The following SPOP variants were observed in gnomAD, a reference collection of about 807,000 sequenced individuals.
The protein encoded by SPOP is speckle-type POZ protein.
A neutral mutation model predicts 45.6 loss-of-function variants in SPOP; 11 were observed. The ratio of observed to expected loss-of-function variants is 0.24; its 90% CI spans 0.15 to 0.40. The LOEUF (loss-of-function observed/expected upper bound fraction) is 0.40. Ranked by LOEUF, SPOP falls within the 10% of genes least tolerant of loss-of-function variation. The pLI is 1.00. For synonymous variants in SPOP, 166 were observed against 166.3 expected, an observed-to-expected ratio of 1.00 and a Z score of 0.01; for missense variants, 152 against 465.6, an observed-to-expected ratio of 0.33 and a Z score of 6.20.
Position 49,665,396 on chromosome 17 carries a change from T to C in SPOP, c.-67+12537A>G, listed in dbSNP as rs566704640. 1.2e-4 allele frequency among the ~76,000 whole-genome samples: 18 copies of C among 150,084 alleles called. No individual in the cohort carries two copies. In the South Asian group the frequency reaches 1.5e-3, roughly 12 times the overall value. The stretch of plus-strand genomic sequence containing the variant: ...TTGGGAGGCCAAGGCGGGCGGATCA[T>C]GAGGTCAGGAGATCAAGATCATCCT... On this transcript the variant is annotated intron_variant, in intron 1 of 9. Coordinates refer to ENST00000504102, the MANE Select transcript of SPOP (RefSeq NM_001007228.2).
intron 1 of SPOP, among the ~76,000 whole-genome samples, chr17:49,677,310 T>C (rs1053917840): frequency 9.9e-5 from 15 of 152,250 alleles, no homozygotes; most frequent in African/African-American, 3.6e-4. Flanking sequence ...GAAGATACAG[T>C]GACAGTTTCA....
Position 49,601,905 on chromosome 17 carries a change from C to CA in SPOP, c.939dup (p.Ala314CysfsTer38). On this transcript the variant is annotated frameshift_variant, in exon 9 of 10. Transcript: ENST00000504102. LOFTEE classifies it high-confidence loss of function. The stretch of plus-strand genomic sequence containing the variant: ...ACTGCCTGAGTTTTCAACTGATCTG[C>CA]ACTGTGGAGGTCGGCCAGGATGAGA... 1 of 1,614,156 alleles carries CA rather than the reference C, an allele frequency of 6.2e-7. No individual in the cohort carries two copies. The highest frequency in any genetic ancestry group is 8.5e-7 in the Non-Finnish European group (1 of 1,179,998).
At position 49,619,521 on chromosome 17, in the gene SPOP, G is replaced by T; in HGVS notation, c.201-136C>A. 1.0e-6 allele frequency: 1 copy of T among 1,002,044 alleles called. No individual in the cohort carries two copies. The highest frequency in any genetic ancestry group is 1.4e-6 in the Non-Finnish European group (1 of 703,430). 62.1% of individuals were successfully genotyped at this position (1,002,044 alleles called of 1,614,324 possible). A position where few individuals can be genotyped will look rare whatever the true frequency, so the allele number is the denominator to read the frequency against. ...AGAATATAATTCAGTAGAATGACTAGTTGGGAACAACTTTTTTCTCTTTTT... is the reference window on the plus strand; with the variant it reads ...AGAATATAATTCAGTAGAATGACTATTTGGGAACAACTTTTTTCTCTTTTT... On this transcript the variant is annotated intron_variant, in intron 3 of 9. Transcript: ENST00000504102. The surrounding 1 kb of genome is among the most constrained non-coding windows in gnomAD (Gnocchi z 4.9).
At chr17:49,628,661 A>G (rs2143350355) in intron 1 of SPOP, among the ~76,000 whole-genome samples, 1 of 152,350 alleles carries the variant, frequency 6.6e-6, no homozygotes, top group East Asian at 1.9e-4. Context: ...TTGAAACAGT[A>G]AGTACGTAAC....
At chr17:49,601,820 C>T (rs1245211193) in intron 9 of SPOP, 45 bp downstream of exon 9, 1 of 1,606,604 alleles carries the variant, frequency 6.2e-7, no homozygotes. Flanking sequence ...ATTTCTTCAG[C>T]TATCCAACTA....
chr17:49,654,181 A>G (rs1486933277), intron 1 of SPOP, among the ~76,000 whole-genome samples: 2 of 152,252 alleles, frequency 1.3e-5, no homozygotes, highest in Non-Finnish European at 2.9e-5. Context: ...CCCCAATTAA[A>G]TAGGACAGTG....
At chr17:49,613,095 T>C (rs1046881987) in intron 5 of SPOP, among the ~76,000 whole-genome samples, 4 of 152,168 alleles carry the variant, frequency 2.6e-5, no homozygotes, top group African/African-American at 9.7e-5. Flanking sequence ...GATTATAACA[T>C]TATTTTAATA....
intron 1 of SPOP, among the ~76,000 whole-genome samples, chr17:49,631,351 C>T (rs972339369): frequency 1.3e-5 from 2 of 152,084 alleles, no homozygotes; most frequent in African/African-American, 2.4e-5. Flanking sequence ...TAGAATATCT[C>T]CCAAAAGACA....
intron 8 of SPOP, among the ~76,000 whole-genome samples, chr17:49,603,879 C>T (rs1049822491): frequency 6.6e-6 from 1 of 152,168 alleles, no homozygotes; most frequent in Admixed American, 6.5e-5. Context: ...GAAATGCTAT[C>T]CTTGAAATGG....
chr17:49,669,713 C>T (rs995527573), intron 1 of SPOP, among the ~76,000 whole-genome samples: 2 of 135,134 alleles, frequency 1.5e-5, no homozygotes, highest in South Asian at 4.6e-4. Flanking sequence ...TGCAGTGAGC[C>T]GAGATCGCAC....
chr17:49,647,684 T>C (rs150880367), intron 1 of SPOP, among the ~76,000 whole-genome samples: 10 of 152,286 alleles, frequency 6.6e-5, no homozygotes, highest in African/African-American at 1.4e-4. Flanking sequence ...TTTCACAGTG[T>C]TGGCCAGGCT....
chr17:49,622,613 C>T, intron 2 of SPOP, 120 bp downstream of exon 2: 1 of 834,498 alleles, frequency 1.2e-6, no homozygotes, highest in Non-Finnish European at 2.0e-6. Context: ...TATCTATCTG[C>T]TCTTTGGCAG....
At chr17:49,673,310 C>T (rs1264487463) in intron 1 of SPOP, among the ~76,000 whole-genome samples, 4 of 152,020 alleles carry the variant, frequency 2.6e-5, no homozygotes, top group African/African-American at 9.7e-5. Context: ...TCAAGACCAT[C>T]CTGGCTAACA....
At chr17:49,645,817 C>T (rs1190133402) in intron 1 of SPOP, among the ~76,000 whole-genome samples, 2 of 152,036 alleles carry the variant, frequency 1.3e-5, no homozygotes, top group African/African-American at 4.8e-5. Flanking sequence ...TTTTCCCCTT[C>T]TTTCAAACAT....
In SPOP at chr17:49,600,344, G is replaced by A; in HGVS notation, c.*34C>T. 1 of 1,611,960 alleles carries A rather than the reference G, an allele frequency of 6.2e-7. No homozygotes were observed. Among genetic ancestry groups the A allele is most frequent in the South Asian group, 1.1e-5 (1 of 91,002 alleles). Reference sequence around the variant, plus strand: ...GGCAGCAACAGTGGCTGCTGCTTCTGGAAATTAAACGGAGTCTTACAACAA... The same window carrying A: ...GGCAGCAACAGTGGCTGCTGCTTCTAGAAATTAAACGGAGTCTTACAACAA... On this transcript the variant is annotated 3_prime_UTR_variant, in exon 10 of 10. Coordinates refer to ENST00000504102, the MANE Select transcript of SPOP (RefSeq NM_001007228.2). The surrounding 1 kb of genome is among the most constrained non-coding windows in gnomAD (Gnocchi z 4.2).
At chr17:49,674,273 G>C (rs377696528) in intron 1 of SPOP, among the ~76,000 whole-genome samples, 2 of 152,348 alleles carry the variant, frequency 1.3e-5, no homozygotes, top group African/African-American at 4.8e-5. Flanking sequence ...AGTTTGAGTA[G>C]AATTGCTATT....
intron 5 of SPOP, 73 bp downstream of exon 5, chr17:49,618,908 T>A: frequency 1.3e-6 from 2 of 1,515,648 alleles, no homozygotes; most frequent in South Asian, 2.5e-5. Context: ...ACATCCCTGA[T>A]ACAATATAAT....
At chr17:49,660,097 T>G (rs1567800801) in intron 1 of SPOP, among the ~76,000 whole-genome samples, 1 of 152,236 alleles carries the variant, frequency 6.6e-6, no homozygotes, top group Non-Finnish European at 1.5e-5. Flanking sequence ...GTAGAAAAAG[T>G]TCCCCAGGTG....
intron 1 of SPOP, among the ~76,000 whole-genome samples, chr17:49,643,096 A>G (rs2072689263): frequency 6.6e-6 from 1 of 152,246 alleles, no homozygotes; most frequent in Admixed American, 6.5e-5. Context: ...TCTTAAAAAA[A>G]ATTCAGCACA....
Sources: allele counts gnomAD v4.1 joint callset (sites outside exome capture counted in the v4.1 genomes callset), GRCh38; gene constraint gnomAD v4.1.1; non-coding constraint Gnocchi (gnomAD v3.1); transcripts MANE v1.5; gene names NCBI Gene and HGNC (gene_info 2026-07-23, HGNC 2026-07-21).